Variants in DGKH observed in about 807,000 individuals in gnomAD.
The protein encoded by DGKH is DAG kinase eta.
In DGKH, 90 loss-of-function variants were observed where a neutral mutation model predicts 159.3. The ratio of observed to expected loss-of-function variants is 0.57; its 90% CI spans 0.48 to 0.67. DGKH has a LOEUF of 0.67. DGKH is among the 30% of genes least tolerant of loss of function. The pLI is 0.00. For synonymous variants in DGKH, 536 were observed against 553.8 expected, an observed-to-expected ratio of 0.97 and a Z score of 0.45; for missense variants, 1,181 against 1,506.1, an observed-to-expected ratio of 0.78 and a Z score of 3.57.
intron 5 of DGKH, among the ~76,000 whole-genome samples, chr13:42,156,595 A>T (rs1381633783): frequency 1.3e-5 from 2 of 152,082 alleles, no homozygotes; most frequent in Non-Finnish European, 2.9e-5. Flanking sequence ...AAAACTCATA[A>T]CTTCTTTAGA....
At chr13:42,243,025 T>G (rs904662865), downstream of DGKH, 2 of 152,148 alleles carry the variant, frequency 1.3e-5, no homozygotes, top group African/African-American at 4.8e-5. Context: ...CTTTACCCAT[T>G]TCCCCTCCAA....
At chr13:42,185,897 G>A (rs1263238544) in intron 13 of DGKH, among the ~76,000 whole-genome samples, 1 of 152,102 alleles carries the variant, frequency 6.6e-6, no homozygotes, top group Admixed American at 6.5e-5. Flanking sequence ...ATCTAGAAAT[G>A]TTTGCTAAAA....
At chr13:42,114,892 T>G (rs1050531535) in intron 1 of DGKH, among the ~76,000 whole-genome samples, 5 of 152,208 alleles carry the variant, frequency 3.3e-5, no homozygotes, top group Admixed American at 6.5e-5. Context: ...AACACCTTTT[T>G]CCCCAAAGTG....
At chr13:42,077,873 A>AT (rs1954129424) in intron 1 of DGKH, among the ~76,000 whole-genome samples, 1 of 152,174 alleles carries the variant, frequency 6.6e-6, no homozygotes, top group South Asian at 2.1e-4. Context: ...AATCTAAGTG[A>AT]TTTTTCTGAT....
At position 42,085,073 on chromosome 13, in the gene DGKH, GATATA is replaced by G. The variant is rs541658158; in HGVS notation, c.192+36115_192+36119del. 2.1e-3 allele frequency among the ~76,000 whole-genome samples: 323 copies of G among 152,092 alleles called. 2 individuals carry two copies. Among genetic ancestry groups the G allele is most frequent in the African/African-American group, 6.0e-3 (247 of 41,490 alleles). ...TTACCCATTTTATGAATTGGCATAT[GATATA>G]ATATAAGAAAAAAATTTAAATTTAG... On this transcript the variant is annotated intron_variant, in intron 1 of 29. Transcript: ENST00000337343.
chr13:42,248,270 A>C (rs993579687), intron 29 of DGKH, among the ~76,000 whole-genome samples: 1 of 151,990 alleles, frequency 6.6e-6, no homozygotes, highest in Admixed American at 6.6e-5. Context: ...AAAAACATAA[A>C]AATTAGCTGG....
chr13:42,221,551 C>CT (rs1312236054), intron 29 of DGKH, among the ~76,000 whole-genome samples, 157 bp downstream of exon 29: 1 of 152,150 alleles, frequency 6.6e-6, no homozygotes, highest in East Asian at 1.9e-4. Flanking sequence ...TTCTTGTATG[C>CT]TTTTTAACAA....
In DGKH at chr13:42,241,519, T is replaced by C. The variant is rs1958513433; in HGVS notation, c.*12331T>C. Reference sequence around the variant, plus strand: ...AATCCTATTTCCACAGCCGTACATGTGATCCCAGTGACTGATAGATCTGTA... The same window carrying C: ...AATCCTATTTCCACAGCCGTACATGCGATCCCAGTGACTGATAGATCTGTA... On this transcript the variant is annotated 3_prime_UTR_variant, in exon 30 of 30. Coordinates refer to ENST00000337343, the MANE Select transcript of DGKH (RefSeq NM_178009.5). 1 of 152,276 alleles carries C rather than the reference T, an allele frequency of 6.6e-6. No homozygotes were observed. The highest frequency in any genetic ancestry group is 1.5e-5 in the Non-Finnish European group (1 of 68,048). The allele number at this position is 152,276 out of a possible 1,614,324, so 9.4% of individuals were successfully genotyped here.
chr13:42,100,060 C>T (rs1954625069), intron 1 of DGKH, among the ~76,000 whole-genome samples: 1 of 152,212 alleles, frequency 6.6e-6, no homozygotes, highest in African/African-American at 2.4e-5. Flanking sequence ...CCAGGCCACA[C>T]AGTAGGAGGT....
chr13:42,195,059 G>T (rs1258797837), intron 17 of DGKH, 43 bp downstream of exon 17: 1 of 1,598,352 alleles, frequency 6.3e-7, no homozygotes, highest in African/African-American at 1.3e-5. Flanking sequence ...CAGTATTTCT[G>T]TGAAAAGGTG....
At chr13:42,077,607 T>C (rs115136313) in intron 1 of DGKH, among the ~76,000 whole-genome samples, 195 of 152,372 alleles carry the variant, frequency 1.3e-3, no homozygotes, top group African/African-American at 4.3e-3. Flanking sequence ...TTTACTATGC[T>C]TGGCCCTGGC....
chr13:42,109,349 T>G (rs1322842096), intron 1 of DGKH, among the ~76,000 whole-genome samples: 3 of 152,236 alleles, frequency 2.0e-5, no homozygotes, highest in Non-Finnish European at 4.4e-5. Flanking sequence ...GTTAAGTAAT[T>G]TGTTCAAAGT....
chr13:42,071,020 G>A (rs548522350), intron 1 of DGKH: 260 of 1,280,564 alleles, frequency 2.0e-4, no homozygotes, highest in Non-Finnish European at 2.8e-4. Flanking sequence ...ACAACCCAGT[G>A]GTTTTAAGTC....
At chr13:42,121,445 G>A (rs1248409684) in intron 1 of DGKH, among the ~76,000 whole-genome samples, 1 of 152,190 alleles carries the variant, frequency 6.6e-6, no homozygotes, top group Non-Finnish European at 1.5e-5. Flanking sequence ...GAGTTTATTA[G>A]TATGTTCATT....
rs1408523669 is a variant in DGKH at position 42,159,287 on chromosome 13, A to G, written c.644A>G (p.Lys215Arg). 2.5e-6 allele frequency: 3 copies of G among 1,191,262 alleles called. No homozygotes were observed. The highest frequency in any genetic ancestry group is 3.2e-5 in the East Asian group (1 of 31,318). The allele number at this position is 1,191,262 out of a possible 1,614,324, so 73.8% of individuals were successfully genotyped here. A position where few individuals can be genotyped will look rare whatever the true frequency, so the allele number is the denominator to read the frequency against. ...SCEVCKFKAH[K>R]RCAVRATNNC... ...TTAGTGTGTAAATTCAAGGCTCACAAAAGATGTGCAGTGAGAGCAACAAAT... is the reference window on the plus strand; with the variant it reads ...TTAGTGTGTAAATTCAAGGCTCACAGAAGATGTGCAGTGAGAGCAACAAAT... Residue 215 changes from lysine to arginine, a missense_variant, in exon 6 of 30, where the codon AAA becomes AGA. This residue lies in a region of DGKH where 369 missense variants were observed against 519.4 expected (regional missense o/e 0.71). Coordinates refer to ENST00000337343, the MANE Select transcript of DGKH (RefSeq NM_178009.5).
chr13:42,110,587 A>ATCATTCATTCAT (rs140415925), intron 1 of DGKH, among the ~76,000 whole-genome samples: 19,948 of 150,924 alleles, frequency 0.13, 1,542 homozygotes, highest in South Asian at 0.18. Context: ...TTGAAGGATA[A>ATCATTCATTCAT]TCATTCATTC....
intron 1 of DGKH, among the ~76,000 whole-genome samples, chr13:42,075,356 A>G (rs980915383): frequency 2.0e-5 from 3 of 152,208 alleles, no homozygotes; most frequent in African/African-American, 7.2e-5. Flanking sequence ...AAAGAACTTT[A>G]TAATGAAAAT....
In DGKH at chr13:42,178,160, C is replaced by T; in HGVS notation, c.1478C>T (p.Ala493Val). Residue 493 changes from alanine to valine, a missense_variant, in exon 13 of 30, where the codon GCA (alanine) becomes GTA (valine). Physicochemically the swap from Ala to Val is moderately conservative, Grantham distance 64. This residue lies in a region of DGKH where 369 missense variants were observed against 519.4 expected (regional missense o/e 0.71). Transcript: ENST00000337343. Reference sequence around the variant, plus strand: ...ATGACGATTTATGAAGACTCAGTTGCAACGCATCTTACAAAAATCCTCAAT... The same window carrying T: ...ATGACGATTTATGAAGACTCAGTTGTAACGCATCTTACAAAAATCCTCAAT... ...FYMTIYEDSV[A>V]THLTKILNSD... 1 of 1,607,792 alleles carries T rather than the reference C, an allele frequency of 6.2e-7. No homozygotes were observed. Among genetic ancestry groups the T allele is most frequent in the Admixed American group, 1.7e-5 (1 of 59,888 alleles).
chr13:42,216,080 T>C (rs1184216029), intron 26 of DGKH, among the ~76,000 whole-genome samples: 1 of 152,250 alleles, frequency 6.6e-6, no homozygotes, highest in African/African-American at 2.4e-5. Context: ...AAGAGGACAT[T>C]TTCTAGACAC....
Sources: gnomAD v4.1 joint callset for allele counts (sites outside exome capture counted in the v4.1 genomes callset) on GRCh38, gnomAD v4.1.1 for gene constraint, gnomAD v4.1.1 regional missense constraint, MANE v1.5 for transcripts, NCBI Gene and HGNC (gene_info 2026-07-23, HGNC 2026-07-21) for gene names.